The following TAFA2 variants were observed in gnomAD, a reference collection of about 807,000 sequenced individuals.
TAFA2 encodes chemokine-like protein TAFA-2.
TAFA2 carries 7 observed loss-of-function variants against 18.8 expected under a neutral mutation model. That is an observed-to-expected ratio of 0.37 (90% CI 0.21 to 0.70). The LOEUF is 0.70. Among genes scored for constraint, TAFA2 ranks in the 30% least tolerant of loss-of-function variants. The pLI is 0.53. For missense variants in TAFA2, 122 were observed against 158.1 expected, an observed-to-expected ratio of 0.77 and a Z score of 1.23; for synonymous variants, 60 against 54.2, an observed-to-expected ratio of 1.11 and a Z score of -0.47.
At chr12:62,014,597 A>G (rs1387988353) in intron 1 of TAFA2, among the ~76,000 whole-genome samples, 1 of 152,166 alleles carries the variant, frequency 6.6e-6, no homozygotes, top group Non-Finnish European at 1.5e-5. Context: ...GCGCCACTGC[A>G]CTCCAGCCTA....
At chr12:61,919,322 C>A (rs967645233) in intron 1 of TAFA2, among the ~76,000 whole-genome samples, 3 of 152,118 alleles carry the variant, frequency 2.0e-5, no homozygotes, top group Non-Finnish European at 4.4e-5. Flanking sequence ...CTGGCCACTA[C>A]CCCCTGCATT....
intron 1 of TAFA2, among the ~76,000 whole-genome samples, chr12:61,922,450 G>A (rs1877093270): frequency 6.6e-6 from 1 of 152,288 alleles, no homozygotes; most frequent in African/African-American, 2.4e-5. Context: ...CCTATGGAGG[G>A]CGAGCAGGAG....
At chr12:61,972,005 C>A (rs1164037924) in intron 1 of TAFA2, among the ~76,000 whole-genome samples, 1 of 151,664 alleles carries the variant, frequency 6.6e-6, no homozygotes, top group Admixed American at 6.6e-5. Flanking sequence ...ATGCCACGAC[C>A]ATTCAATGTG....
At chr12:61,787,431 T>A (rs1263344589) in intron 2 of TAFA2, among the ~76,000 whole-genome samples, 1 of 151,674 alleles carries the variant, frequency 6.6e-6, no homozygotes, top group Non-Finnish European at 1.5e-5. Context: ...ACTCTAAAGG[T>A]GCTATGTAAA....
At chr12:62,148,184 CCATT>C (rs2062301237) in intron 1 of TAFA2, among the ~76,000 whole-genome samples, 1 of 152,130 alleles carries the variant, frequency 6.6e-6, no homozygotes, top group Non-Finnish European at 1.5e-5. Context: ...AATAAAATTA[CCATT>C]CAATCCAGCA....
chr12:61,853,968 C>T (rs975974754), intron 2 of TAFA2, among the ~76,000 whole-genome samples: 4 of 152,144 alleles, frequency 2.6e-5, no homozygotes, highest in African/African-American at 9.7e-5. Flanking sequence ...AGAACCTGAA[C>T]AGTCCAAAAG....
At chr12:62,061,326 G>A (rs3892748) in intron 1 of TAFA2, among the ~76,000 whole-genome samples, 4 of 152,016 alleles carry the variant, frequency 2.6e-5, no homozygotes, top group Non-Finnish European at 5.9e-5. Context: ...AAATTCACTT[G>A]TACTTACCAT....
chr12:62,163,426 G>T (rs1176411509), intron 1 of TAFA2, among the ~76,000 whole-genome samples: 1 of 152,066 alleles, frequency 6.6e-6, no homozygotes, highest in Non-Finnish European at 1.5e-5. Context: ...GCAGTTTGGG[G>T]TGTTGTACTA....
intron 1 of TAFA2, among the ~76,000 whole-genome samples, chr12:61,955,554 A>G (rs1878623652): frequency 7.4e-6 from 1 of 135,466 alleles, no homozygotes; most frequent in Non-Finnish European, 1.6e-5. Context: ...GTGAGCTAAG[A>G]TCACGCCACT....
chr12:62,128,252 C>T (rs1054534009), intron 1 of TAFA2, among the ~76,000 whole-genome samples: 1 of 151,940 alleles, frequency 6.6e-6, no homozygotes, highest in Admixed American at 6.6e-5. Flanking sequence ...TTTTCATTGT[C>T]TATTCGATGT....
intron 2 of TAFA2, among the ~76,000 whole-genome samples, chr12:61,805,960 T>TC (rs1008318479): frequency 1.4e-4 from 21 of 152,066 alleles, no homozygotes; most frequent in Admixed American, 6.6e-5. Flanking sequence ...CTCACCTTAG[T>TC]CCCTACAATC....
intron 2 of TAFA2, among the ~76,000 whole-genome samples, chr12:61,861,256 C>CTTT (rs1172711323): frequency 4.3e-5 from 5 of 117,156 alleles, no homozygotes; most frequent in Admixed American, 1.8e-4. Flanking sequence ...CTGGCCTCGC[C>CTTT]TTTTTTTTTT....
chr12:62,122,446 C>T (rs944655536), intron 1 of TAFA2, among the ~76,000 whole-genome samples: 4 of 152,200 alleles, frequency 2.6e-5, no homozygotes, highest in Non-Finnish European at 5.9e-5. Context: ...ACAGCTAACA[C>T]TCAGGCTCTA....
intron 1 of TAFA2, among the ~76,000 whole-genome samples, chr12:62,227,981 G>T (rs1300713690): frequency 6.6e-6 from 1 of 152,004 alleles, no homozygotes; most frequent in African/African-American, 2.4e-5. Flanking sequence ...ATGTTTTTAT[G>T]TGGGTGCCAT....
At chr12:62,043,435 G>A (rs1881817662) in intron 1 of TAFA2, among the ~76,000 whole-genome samples, 1 of 151,914 alleles carries the variant, frequency 6.6e-6, no homozygotes, top group African/African-American at 2.4e-5. Context: ...GACACAGGAA[G>A]GGGAACATCA....
At chr12:62,229,819 T>C (rs1424182675) in intron 1 of TAFA2, among the ~76,000 whole-genome samples, 1 of 152,084 alleles carries the variant, frequency 6.6e-6, no homozygotes, top group Non-Finnish European at 1.5e-5. Context: ...TGGTAGAATT[T>C]AGAAGTGAAG....
intron 1 of TAFA2, among the ~76,000 whole-genome samples, chr12:61,992,713 C>A (rs1880052281): frequency 6.6e-6 from 1 of 152,142 alleles, no homozygotes; most frequent in Admixed American, 6.6e-5. Flanking sequence ...TCCTCCAATC[C>A]CCTTTTTCTG....
intron 1 of TAFA2, among the ~76,000 whole-genome samples, chr12:62,011,393 T>C (rs1359179593): frequency 1.3e-5 from 2 of 152,214 alleles, no homozygotes; most frequent in Non-Finnish European, 2.9e-5. Flanking sequence ...CACAATTTTG[T>C]TCTGTACTAA....
chr12:62,078,827 A>C (rs896733606), intron 1 of TAFA2, among the ~76,000 whole-genome samples: 10 of 152,000 alleles, frequency 6.6e-5, no homozygotes, highest in Admixed American at 1.3e-4. Context: ...GCCAATATTT[A>C]TCTGAACTAC....
Sources: gnomAD v4.1 joint callset for allele counts (sites outside exome capture counted in the v4.1 genomes callset) on GRCh38, gnomAD v4.1.1 for gene constraint, MANE v1.5 for transcripts, NCBI Gene and HGNC (gene_info 2026-07-23, HGNC 2026-07-21) for gene names.